Variants in VPS41 observed in about 807,000 individuals in gnomAD.
The protein encoded by VPS41 is VPS41 subunit of HOPS complex, also known as vacuolar protein sorting-associated protein 41 homolog.
A neutral mutation model predicts 130.9 loss-of-function variants in VPS41; 85 were observed. The ratio of observed to expected loss-of-function variants is 0.65; its 90% CI spans 0.55 to 0.78. The LOEUF is 0.78. VPS41 is among the 30% of genes least tolerant of loss of function. The probability of loss-of-function intolerance (pLI) is 0.00; values close to 1 mark genes in which losing one functional copy is unlikely to be tolerated. For missense variants in VPS41, 874 were observed against 1,018.7 expected, an observed-to-expected ratio of 0.86 and a Z score of 1.93; for synonymous variants, 335 against 332.9, an observed-to-expected ratio of 1.01 and a Z score of -0.07.
intron 5 of VPS41, among the ~76,000 whole-genome samples, chr7:38,827,610 G>T (rs1785305495): frequency 6.6e-6 from 1 of 152,184 alleles, no homozygotes; most frequent in African/African-American, 2.4e-5. Context: ...CCACTGCCAA[G>T]ATGGGGAGAG....
At chr7:38,785,102 G>A (rs904866453) in intron 10 of VPS41, among the ~76,000 whole-genome samples, 1 of 152,260 alleles carries the variant, frequency 6.6e-6, no homozygotes, top group Non-Finnish European at 1.5e-5. Context: ...TTATTCCCAA[G>A]AGATTCTGGC....
intron 17 of VPS41, among the ~76,000 whole-genome samples, chr7:38,759,949 T>A (rs1218708448): frequency 2.0e-5 from 3 of 152,166 alleles, no homozygotes; most frequent in Non-Finnish European, 4.4e-5. Context: ...CAAGTCACCA[T>A]CTTGGTCCTC....
Position 38,896,605 on chromosome 7 carries a change from C to A in VPS41, c.60+1486G>T, listed in dbSNP as rs1786999708. Among the ~76,000 whole-genome samples, 2 of 152,208 alleles carry A rather than the reference C, an allele frequency of 1.3e-5. 1 individual carries two copies. Among genetic ancestry groups the A allele is most frequent in the Admixed American group, 1.3e-4 (2 of 15,272 alleles). On this transcript the variant is annotated intron_variant, in intron 2 of 28. Coordinates refer to ENST00000310301, the MANE Select transcript of VPS41 (RefSeq NM_014396.4). ...AGTGTATTTTATGTGTGGCCCAAGACAATTCTTCTTCCAATGTGACCCGGG... is the reference window on the plus strand; with the variant it reads ...AGTGTATTTTATGTGTGGCCCAAGAAAATTCTTCTTCCAATGTGACCCGGG...
intron 22 of VPS41, among the ~76,000 whole-genome samples, chr7:38,748,606 G>A (rs139422037): frequency 6.6e-6 from 1 of 151,008 alleles, no homozygotes; most frequent in African/African-American, 2.4e-5. Flanking sequence ...TAAAACTGAT[G>A]ATCTGCTCTT....
At chr7:38,776,413 C>T (rs1345189042) in intron 11 of VPS41, among the ~76,000 whole-genome samples, 4 of 152,180 alleles carry the variant, frequency 2.6e-5, no homozygotes, top group African/African-American at 9.7e-5. Flanking sequence ...CAAGAGGAAT[C>T]CTTCATTCCT....
At chr7:38,837,196 C>T (rs1258708125) in intron 4 of VPS41, among the ~76,000 whole-genome samples, 1 of 148,780 alleles carries the variant, frequency 6.7e-6, no homozygotes, top group African/African-American at 2.5e-5. Context: ...CCAGACCAGA[C>T]ATTAGGGTAG....
At chr7:38,882,220 A>G (rs1185981405) in intron 2 of VPS41, among the ~76,000 whole-genome samples, 1 of 152,098 alleles carries the variant, frequency 6.6e-6, no homozygotes, top group Non-Finnish European at 1.5e-5. Flanking sequence ...ACCTCATCTC[A>G]TTCCTCCTCT....
chr7:38,827,609 A>G (rs1466998354), intron 5 of VPS41, among the ~76,000 whole-genome samples: 1 of 152,184 alleles, frequency 6.6e-6, no homozygotes, highest in Admixed American at 6.5e-5. Flanking sequence ...CCCACTGCCA[A>G]GATGGGGAGA....
chr7:38,731,712 G>T (rs2189855), intron 25 of VPS41, among the ~76,000 whole-genome samples: 35,572 of 151,894 alleles, frequency 0.23, 4,843 homozygotes, highest in East Asian at 0.43. Context: ...ATGGCACTGA[G>T]CACTGCTGCT....
intron 4 of VPS41, among the ~76,000 whole-genome samples, chr7:38,852,333 A>G (rs1190977637): frequency 2.6e-5 from 4 of 152,218 alleles, no homozygotes; most frequent in African/African-American, 7.2e-5. Context: ...TCATATGCTT[A>G]TAAAACCTGA....
intron 6 of VPS41, among the ~76,000 whole-genome samples, chr7:38,820,257 T>C (rs1238801213): frequency 1.3e-5 from 2 of 152,348 alleles, no homozygotes; most frequent in East Asian, 3.9e-4. Context: ...GAGTATTATA[T>C]TAGGCTTCTA....
chr7:38,742,289 T>C (rs1323023141), intron 24 of VPS41, among the ~76,000 whole-genome samples, 168 bp from the exon 25 acceptor site: 4 of 152,232 alleles, frequency 2.6e-5, no homozygotes, highest in Non-Finnish European at 4.4e-5. Context: ...CTCTTAAGAA[T>C]TAATCTTCTA....
chr7:38,901,414 A>C (rs763335328), intron 1 of VPS41, among the ~76,000 whole-genome samples: 2 of 152,170 alleles, frequency 1.3e-5, no homozygotes, highest in Non-Finnish European at 2.9e-5. Flanking sequence ...TCTGCTTCTG[A>C]TGAGGGCCTC....
At chr7:38,793,402 T>C (rs1303822511) in intron 9 of VPS41, among the ~76,000 whole-genome samples, 1 of 152,198 alleles carries the variant, frequency 6.6e-6, no homozygotes, top group African/African-American at 2.4e-5. Context: ...CCTTATCTCC[T>C]CTTCCTTCAA....
chr7:38,840,451 G>C (rs1785586680), intron 4 of VPS41, among the ~76,000 whole-genome samples: 1 of 152,102 alleles, frequency 6.6e-6, no homozygotes, highest in African/African-American at 2.4e-5. Flanking sequence ...GAAAATGGGG[G>C]AGAAGACTTT....
rs181396791 is a variant in VPS41 at position 38,795,840 on chromosome 7, G to A, written c.571-229C>T. On this transcript the variant is annotated intron_variant, in intron 8 of 28. Transcript: ENST00000310301. ...CAAAGGAGATTTTCTTAGATGGCAT[G>A]GGTGACTCAAACCCAACAGAAACAT... Among the ~76,000 whole-genome samples, 5 of 152,246 alleles carry A rather than the reference G, an allele frequency of 3.3e-5. No homozygotes were observed. The East Asian group carries it at 5.8e-4, about 18-fold the overall frequency.
rs865776521 is a variant in VPS41 at position 38,728,743 on chromosome 7, A to C, written c.2308T>G (p.Ser770Ala). ...CKKILVADSL[S>A]LLKKMHRTQM... ...GTTCGGTGCATTTTCTTCAGTAAGG[A>C]CAAAGAGTCAGCTACGAGAATCTTC... The change falls in exon 26 of 29, where the codon TCC becomes GCC. Residue 770 changes from serine (S) to alanine (A), a missense_variant. Transcript: ENST00000310301. The C allele has an allele frequency of 1.9e-6, 3 of 1,614,210 alleles. No homozygotes were observed. The highest frequency in any genetic ancestry group is 3.3e-4 in the Middle Eastern group (2 of 6,062).
intron 7 of VPS41, among the ~76,000 whole-genome samples, chr7:38,815,282 G>C (rs1202607619): frequency 6.6e-6 from 1 of 151,994 alleles, no homozygotes; most frequent in Non-Finnish European, 1.5e-5. Flanking sequence ...AAATCAGCTG[G>C]GTAGGGTGGT....
At chr7:38,790,835 T>A (rs2115951128) in intron 9 of VPS41, among the ~76,000 whole-genome samples, 1 of 152,310 alleles carries the variant, frequency 6.6e-6, no homozygotes, top group East Asian at 1.9e-4. Flanking sequence ...GGGGGCATAT[T>A]TTTTTGTTTT....
Sources: allele counts gnomAD v4.1 joint callset (sites outside exome capture counted in the v4.1 genomes callset), GRCh38; gene constraint gnomAD v4.1.1; transcripts MANE v1.5; gene names NCBI Gene and HGNC (gene_info 2026-07-23, HGNC 2026-07-21).